Variants in IFT74 observed in about 807,000 individuals in gnomAD.
IFT74 encodes the protein intraflagellar transport protein 74 homolog.
In IFT74, 92 loss-of-function variants were observed where a neutral mutation model predicts 96.7. The ratio of observed to expected loss-of-function variants is 0.95; its 90% CI spans 0.80 to 1.13. IFT74 has a LOEUF of 1.13. Among genes scored for constraint, IFT74 ranks in the 50% most tolerant of loss-of-function variants. IFT74 has a pLI of 0.00. For synonymous variants in IFT74, 223 were observed against 213.2 expected, an observed-to-expected ratio of 1.05 and a Z score of -0.40; for missense variants, 811 against 698.2, an observed-to-expected ratio of 1.16 and a Z score of -1.82.
At position 27,047,349 on chromosome 9, in the gene IFT74, C is replaced by T; in HGVS notation, c.1184C>T (p.Ala395Val). 3.7e-6 allele frequency: 6 copies of T among 1,611,668 alleles called. No homozygotes were observed. Among genetic ancestry groups the T allele is most frequent in the Non-Finnish European group, 5.1e-6 (6 of 1,178,010 alleles). Reference protein sequence around the residue: ...RKAQIEANIVALLEHCSRNIN... With the variant: ...RKAQIEANIVVLLEHCSRNIN... ...GCACAGATAGAAGCCAACATTGTTGCACTCTTGGAGCACTGCAGTCGAGTG... is the reference window on the plus strand; with the variant it reads ...GCACAGATAGAAGCCAACATTGTTGTACTCTTGGAGCACTGCAGTCGAGTG... The change falls in exon 15 of 20, where the codon GCA becomes GTA. Residue 395 changes from alanine to valine, a missense_variant. Ala to Val is a moderately conservative substitution (Grantham distance 64, BLOSUM62 0). Coordinates refer to ENST00000380062, the MANE Select transcript of IFT74 (RefSeq NM_025103.4).
In IFT74 at chr9:27,009,044, CGAA is replaced by C; in HGVS notation, c.619_621del (p.Glu207del). 3.7e-6 allele frequency: 6 copies of C among 1,612,014 alleles called. No individual in the cohort carries two copies. Among genetic ancestry groups the C allele is most frequent in the Non-Finnish European group, 5.1e-6 (6 of 1,178,880 alleles). On this transcript the variant is annotated inframe_deletion, in exon 9 of 20. Coordinates refer to ENST00000380062, the MANE Select transcript of IFT74 (RefSeq NM_025103.4). ...GGAAAGAAAAACAAATCAGAAGTGT[CGAA>C]GAAGAAATTGAACAGGAAAAACAAG...
intron 4 of IFT74, chr9:26,982,139 A>G (rs1226058639): frequency 5.4e-6 from 1 of 185,260 alleles, no homozygotes. Flanking sequence ...AAATGTTACC[A>G]GCTACATCTA....
chr9:27,056,343 C>T lies in IFT74; in HGVS notation c.1507C>T (p.Gln503Ter), dbSNP rs1238234199. ...ATTTGGATCTTTCTAGAAATTACAT[C>T]AGGAGAGAATGATATTATCAACCCA... is the stretch of plus-strand genomic sequence containing the variant. ...SGEEKIKKLH[Q>*]ERMILSTHRN... The change falls in exon 18 of 20, where the codon CAG becomes TAG. Residue 503 changes from glutamine to a stop codon, truncating the protein, a stop_gained. Coordinates refer to ENST00000380062, the MANE Select transcript of IFT74 (RefSeq NM_025103.4). LOFTEE classifies it high-confidence loss of function. 6.4e-7 allele frequency: 1 copy of T among 1,571,506 alleles called. No individual in the cohort carries two copies. The highest frequency in any genetic ancestry group is 2.3e-5 in the East Asian group (1 of 43,586).
At chr9:26,947,378 A>C in intron 1 of IFT74, 1 of 269,174 alleles carries the variant, frequency 3.7e-6, no homozygotes, top group Non-Finnish European at 7.0e-6. Context: ...CAAGAGAGAA[A>C]GAGGCCCGCC....
chr9:26,999,946 A>G (rs917118335), intron 8 of IFT74, among the ~76,000 whole-genome samples: 2 of 151,714 alleles, frequency 1.3e-5, no homozygotes, highest in African/African-American at 4.8e-5. Flanking sequence ...AATTTTAAAA[A>G]TTTTTGTAGA....
chr9:27,059,734 A>G (rs755058443), intron 18 of IFT74, among the ~76,000 whole-genome samples: 3 of 152,262 alleles, frequency 2.0e-5, no homozygotes, highest in Non-Finnish European at 4.4e-5. Flanking sequence ...GGAAACAATG[A>G]GATGGATCTA....
intron 8 of IFT74, chr9:26,998,110 T>C: frequency 6.2e-7 from 1 of 1,613,312 alleles, no homozygotes; most frequent in Non-Finnish European, 8.5e-7. Context: ...GTAAAAAGTA[T>C]GTCTGTAGAA....
intron 1 of IFT74, among the ~76,000 whole-genome samples, chr9:26,948,951 T>G (rs948229739): frequency 2.6e-5 from 4 of 152,142 alleles, no homozygotes; most frequent in African/African-American, 4.8e-5. Context: ...ATTTTTTTTT[T>G]AAACTTAGAA....
intron 9 of IFT74, 28 bp downstream of exon 9, chr9:27,009,186 G>T: frequency 6.3e-7 from 1 of 1,590,056 alleles, no homozygotes; most frequent in Non-Finnish European, 8.6e-7. Flanking sequence ...TGTGTGCCAA[G>T]CATGTATCAT....
chr9:26,962,141 T>G, intron 2 of IFT74, 54 bp downstream of exon 2: 2 of 1,585,042 alleles, frequency 1.3e-6, no homozygotes, highest in South Asian at 2.2e-5. Context: ...GAGGACCACT[T>G]GAGTCCAGGA....
At chr9:26,954,627 CCT>C (rs1826024502), upstream of IFT74, among the ~76,000 whole-genome samples, 1 of 150,062 alleles carries the variant, frequency 6.7e-6, no homozygotes, top group African/African-American at 2.5e-5. Flanking sequence ...GCAGAGAAGA[CCT>C]CTCTAATAAA....
intron 8 of IFT74, among the ~76,000 whole-genome samples, chr9:27,007,271 T>C (rs1010741306): frequency 1.3e-5 from 2 of 152,224 alleles, no homozygotes; most frequent in African/African-American, 4.8e-5. Context: ...ACTTTTCTTA[T>C]GCTGTAATTT....
chr9:27,057,907 T>C (rs972962830), intron 18 of IFT74, among the ~76,000 whole-genome samples: 1 of 152,120 alleles, frequency 6.6e-6, no homozygotes, highest in Non-Finnish European at 1.5e-5. Context: ...GTGATCATGA[T>C]AGAGCAAAAT....
At chr9:27,046,946 G>A (rs985149127) in intron 14 of IFT74, among the ~76,000 whole-genome samples, 4 of 152,096 alleles carry the variant, frequency 2.6e-5, no homozygotes, top group African/African-American at 7.2e-5. Flanking sequence ...AGGCCGAGGC[G>A]GGTGGATCAC....
rs561077422 is a variant in IFT74 at position 27,030,542 on chromosome 9, C to T, written c.1054+1438C>T. The stretch of plus-strand genomic sequence containing the variant: ...CAGCCTGGGTGACAGAGCAAGACTC[C>T]GTCTCAAAAAAAAAAAAAAAAAAGG... On this transcript the variant is annotated intron_variant, in intron 13 of 19. Coordinates refer to ENST00000380062, the MANE Select transcript of IFT74 (RefSeq NM_025103.4). Among the ~76,000 whole-genome samples the T allele has an allele frequency of 7.5e-3, 543 of 72,602 alleles. 5 individuals are homozygous for T. Among genetic ancestry groups the T allele is most frequent in the African/African-American group, 0.026 (526 of 20,430 alleles). 47.6% of individuals were successfully genotyped at this position (72,602 alleles called of 152,430 possible). A position where few individuals can be genotyped will look rare whatever the true frequency, so the allele number is the denominator to read the frequency against.
chr9:27,036,600 G>T, intron 13 of IFT74: 1 of 1,571,220 alleles, frequency 6.4e-7, no homozygotes, highest in Admixed American at 1.8e-5. Context: ...CAGATCTTCA[G>T]TCTCTCTCTA....
chr9:26,968,303 C>A (rs759946705), intron 2 of IFT74, among the ~76,000 whole-genome samples: 9 of 151,434 alleles, frequency 5.9e-5, no homozygotes, highest in Non-Finnish European at 1.2e-4. Flanking sequence ...GCTCTGTTGC[C>A]CAGGCTGGAG....
At chr9:27,018,845 A>C (rs1044637720) in intron 12 of IFT74, among the ~76,000 whole-genome samples, 158 bp downstream of exon 12, 1 of 152,154 alleles carries the variant, frequency 6.6e-6, no homozygotes, top group East Asian at 1.9e-4. Context: ...TTTTTTTATA[A>C]GTATCTTTAT....
intron 12 of IFT74, among the ~76,000 whole-genome samples, chr9:27,020,198 G>A (rs1295507451): frequency 2.0e-5 from 3 of 151,960 alleles, no homozygotes; most frequent in South Asian, 2.1e-4. Flanking sequence ...CAACAATGAC[G>A]AAATTGCCTT....
Sources: allele counts gnomAD v4.1 joint callset (sites outside exome capture counted in the v4.1 genomes callset), GRCh38; gene constraint gnomAD v4.1.1; transcripts MANE v1.5; gene names NCBI Gene and HGNC (gene_info 2026-07-23, HGNC 2026-07-21).